Variants in FAM184A observed in about 807,000 individuals in gnomAD.
FAM184A encodes family with sequence similarity 184 member A.
In FAM184A, 99 loss-of-function variants were observed where a neutral mutation model predicts 143.8. The ratio of observed to expected loss-of-function variants is 0.69; its 90% CI spans 0.58 to 0.81. The LOEUF is 0.81. Ranked by LOEUF, FAM184A falls within the 40% of genes least tolerant of loss-of-function variation. The probability of loss-of-function intolerance (pLI) is 0.00; values close to 1 mark genes in which losing one functional copy is unlikely to be tolerated. For synonymous variants in FAM184A, 427 were observed against 446.4 expected, an observed-to-expected ratio of 0.96 and a Z score of 0.55; for missense variants, 1,217 against 1,310.5, an observed-to-expected ratio of 0.93 and a Z score of 1.10.
chr6:119,002,989 TG>T lies in FAM184A; in HGVS notation c.1997del (p.Ser666Ter), dbSNP rs781380496. On this transcript the variant is annotated frameshift_variant, in exon 9 of 18. Transcript: ENST00000338891. LOFTEE classifies it high-confidence loss of function. ...TCAACTGCAAAAGTTGAGACATTGCTGACTTCTTATCCTCTTCATGTTGAAG... is the reference window on the plus strand; with the variant it reads ...TCAACTGCAAAAGTTGAGACATTGCTACTTCTTATCCTCTTCATGTTGAAG... The part of the protein sequence containing the change: ...LRLQHEEDKK[S>X]AMSQLLQLKD... 1 of 1,613,122 alleles carries T rather than the reference TG, an allele frequency of 6.2e-7. No homozygotes were observed. The highest frequency in any genetic ancestry group is 1.3e-5 in the African/African-American group (1 of 75,030).
chr6:118,968,641 C>T (rs1209163854), intron 14 of FAM184A, among the ~76,000 whole-genome samples: 6 of 152,202 alleles, frequency 3.9e-5, no homozygotes, highest in African/African-American at 1.4e-4. Context: ...TTTCTTTTAT[C>T]ATTAAAAGCA....
Position 119,078,190 on chromosome 6 carries a change from C to T in FAM184A, c.110G>A (p.Ser37Asn). 6.3e-7 allele frequency: 1 copy of T among 1,588,000 alleles called. No homozygotes were observed. The highest frequency in any genetic ancestry group is 1.1e-5 in the South Asian group (1 of 87,418). ...AQLAGHSMDY[S>N]QEMHLKMSKK... is the part of the protein sequence containing the mutation. ...GCTCATTTTCAGGTGCATCTCCTGG[C>T]TGTAGTCCATGCTGTGCCCAGCCAG... The change falls in exon 1 of 18, where the codon AGC becomes AAC. Residue 37 changes from serine to asparagine, a missense_variant. By Grantham distance (46) the Ser-to-Asn change is conservative (BLOSUM62 1). Coordinates refer to ENST00000338891, the MANE Select transcript of FAM184A (RefSeq NM_024581.6). The surrounding 1 kb of genome is among the most constrained non-coding windows in gnomAD (Gnocchi z 5.5).
chr6:119,006,425 T>G (rs1023122529), intron 7 of FAM184A, 22 bp downstream of exon 7: 1 of 1,603,632 alleles, frequency 6.2e-7, no homozygotes, highest in African/African-American at 1.3e-5. Context: ...CTGTTTAGAT[T>G]GCAGTAGAAT....
At position 119,096,212 on chromosome 6, in the gene FAM184A, C is replaced by T. The variant is rs541343374; in HGVS notation, c.-202+52866G>A. 2.7e-4 allele frequency among the ~76,000 whole-genome samples: 41 copies of T among 152,294 alleles called. No individual in the cohort carries two copies. In the South Asian group the frequency reaches 7.7e-3, roughly 28 times the overall value. On this transcript the variant is annotated intron_variant, in intron 1 of 16. Transcript: ENST00000352896. ...CCTCAGCTTGCTGTCTTTATTGCCT[C>T]ATCTCTCATGACACTTGTTTTCTTC...
intron 1 of FAM184A, among the ~76,000 whole-genome samples, chr6:119,116,609 G>T (rs145023505): frequency 6.6e-6 from 1 of 152,280 alleles, no homozygotes; most frequent in Non-Finnish European, 1.5e-5. Flanking sequence ...AAAAGCAGGT[G>T]AATCAATAAA....
intron 1 of FAM184A, among the ~76,000 whole-genome samples, chr6:119,109,886 T>C (rs2114846375): frequency 6.6e-6 from 1 of 152,320 alleles, no homozygotes; most frequent in Admixed American, 6.5e-5. Context: ...CTATGTCTGA[T>C]AAAAATGTAG....
intron 14 of FAM184A, among the ~76,000 whole-genome samples, chr6:118,967,430 CAT>C (rs1783534813): frequency 6.6e-6 from 1 of 152,100 alleles, no homozygotes; most frequent in African/African-American, 2.4e-5. Flanking sequence ...AAAGGACACA[CAT>C]GTATGACGTC....
At chr6:119,101,684 T>C (rs184524512) in intron 1 of FAM184A, among the ~76,000 whole-genome samples, 5 of 152,352 alleles carry the variant, frequency 3.3e-5, no homozygotes, top group Admixed American at 3.3e-4. Context: ...TATGAATCTT[T>C]TGTATTCATA....
intron 1 of FAM184A, among the ~76,000 whole-genome samples, chr6:119,044,445 T>A (rs1382645214): frequency 1.3e-5 from 2 of 152,104 alleles, no homozygotes; most frequent in African/African-American, 4.8e-5. Context: ...TAGCTGGGTG[T>A]GGTGGTATGC....
At chr6:119,087,410 A>G (rs1309067292) in intron 1 of FAM184A, among the ~76,000 whole-genome samples, 1 of 152,212 alleles carries the variant, frequency 6.6e-6, no homozygotes, top group Non-Finnish European at 1.5e-5. Context: ...AAATAACCCA[A>G]TTAAAATATG....
At chr6:119,081,969 G>T (rs1314896937), upstream of FAM184A, among the ~76,000 whole-genome samples, 8 of 152,206 alleles carry the variant, frequency 5.3e-5, no homozygotes, top group Admixed American at 5.2e-4. Context: ...TTGACATCCG[G>T]CCACCTGTGT....
chr6:119,052,865 T>C (rs1786818388), intron 1 of FAM184A, among the ~76,000 whole-genome samples: 2 of 152,198 alleles, frequency 1.3e-5, no homozygotes, highest in Admixed American at 1.3e-4. Flanking sequence ...CCCAATATAA[T>C]GAATCATCTA....
chr6:119,077,582 T>C lies in FAM184A; in HGVS notation c.159+559A>G, dbSNP rs140167205. Among the ~76,000 whole-genome samples, 437 of 152,318 alleles carry C rather than the reference T, an allele frequency of 2.9e-3. 1 individual carries two copies. Among genetic ancestry groups the C allele is most frequent in the African/African-American group, 1.0e-2 (415 of 41,562 alleles). ...AACATTGAACTAGATGCAGGCACAGTGTGAGATTCATCTAATAAGCCTTGT... is the reference window on the plus strand; with the variant it reads ...AACATTGAACTAGATGCAGGCACAGCGTGAGATTCATCTAATAAGCCTTGT... On this transcript the variant is annotated intron_variant, in intron 1 of 17. Coordinates refer to ENST00000338891, the MANE Select transcript of FAM184A (RefSeq NM_024581.6).
chr6:119,057,417 A>C (rs6940495), intron 1 of FAM184A, among the ~76,000 whole-genome samples: 8,004 of 152,274 alleles, frequency 0.053, 281 homozygotes, highest in African/African-American at 0.097. Flanking sequence ...CAACCCTGTT[A>C]ATTTAGAGAT....
chr6:119,133,817 T>G (rs969407866), intron 1 of FAM184A, among the ~76,000 whole-genome samples: 1 of 151,940 alleles, frequency 6.6e-6, no homozygotes, highest in Non-Finnish European at 1.5e-5. Context: ...ATTATTATTA[T>G]TACGATTTTT....
At chr6:119,103,291 T>C (rs1788691620) in intron 1 of FAM184A, among the ~76,000 whole-genome samples, 1 of 152,178 alleles carries the variant, frequency 6.6e-6, no homozygotes. Context: ...CAAGATGACA[T>C]TGATGAGTAG....
intron 9 of FAM184A, among the ~76,000 whole-genome samples, chr6:118,992,508 G>A (rs1467185420): frequency 6.6e-6 from 1 of 152,062 alleles, no homozygotes; most frequent in Non-Finnish European, 1.5e-5. Context: ...AGCTCCCTTG[G>A]TGCTTTTACC....
intron 2 of FAM184A, among the ~76,000 whole-genome samples, chr6:119,023,727 G>A (rs995419779): frequency 6.7e-6 from 1 of 150,334 alleles, no homozygotes; most frequent in Admixed American, 6.7e-5. Flanking sequence ...TTGTCTTTTT[G>A]GGCCCCTAAT....
rs139608868 is a variant in FAM184A at position 119,147,717 on chromosome 6, G to A, written c.-202+1361C>T. On this transcript the variant is annotated intron_variant, in intron 1 of 16. Transcript: ENST00000352896. ...CTTCTGTAACAATCAGCCAGAAATG[G>A]CCAGGACCTGATTAATAACGGACAG... Among the ~76,000 whole-genome samples, 1,018 of 152,284 alleles carry A rather than the reference G, an allele frequency of 6.7e-3. 6 individuals carry two copies. Among genetic ancestry groups the A allele is most frequent in the African/African-American group, 0.023 (968 of 41,540 alleles).
Sources: gnomAD v4.1 joint callset for allele counts (sites outside exome capture counted in the v4.1 genomes callset) on GRCh38, gnomAD v4.1.1 for gene constraint, Gnocchi (gnomAD v3.1) non-coding constraint, MANE v1.5 for transcripts, NCBI Gene and HGNC (gene_info 2026-07-23, HGNC 2026-07-21) for gene names.